Variants in ACOT1 observed in about 807,000 individuals in gnomAD.
ACOT1 encodes acyl-coenzyme A thioesterase 1.
Under a neutral mutation model 15.7 loss-of-function variants are expected in ACOT1, and 8 were observed. That is an observed-to-expected ratio of 0.51 (90% CI 0.30 to 0.92). ACOT1 has a LOEUF of 0.92. ACOT1 is among the 40% of genes least tolerant of loss of function. ACOT1 has a pLI of 0.06. For synonymous variants in ACOT1, 67 were observed against 241.2 expected (o/e 0.28, Z 6.69); for missense variants, 151 against 539.4 (o/e 0.28, Z 7.13).
At position 73,543,746 on chromosome 14, in the gene ACOT1, A is replaced by G. The variant is rs1177294486; in HGVS notation, c.*91A>G. 1.3e-6 allele frequency: 1 copy of G among 756,288 alleles called. No homozygotes were observed. The highest frequency in any genetic ancestry group is 1.6e-5 in the African/African-American group (1 of 60,656). 46.8% of individuals were successfully genotyped at this position (756,288 alleles called of 1,614,324 possible). Reference sequence around the variant, plus strand: ...TGTGTATGTGTATTCATTCTTTCTCATAACTTCTTAAAGTTTCTTCCCCTC... The same window carrying G: ...TGTGTATGTGTATTCATTCTTTCTCGTAACTTCTTAAAGTTTCTTCCCCTC... On this transcript the variant is annotated 3_prime_UTR_variant, in exon 3 of 3. Transcript: ENST00000311148.
upstream of ACOT1, among the ~76,000 whole-genome samples, chr14:73,535,315 T>C (rs1206790763): frequency 3.5e-5 from 4 of 113,564 alleles, 2 homozygotes; most frequent in Non-Finnish European, 7.6e-5. Flanking sequence ...GAAAAGGTCA[T>C]ACCAGTTTAT....
At chr14:73,499,349 C>T in the ACOT1 span, among the ~76,000 whole-genome samples, 1 of 152,108 alleles carries the variant, frequency 6.6e-6, no homozygotes, top group Non-Finnish European at 1.5e-5. Flanking sequence ...GGCATGGTGT[C>T]ACACGCCTGT....
the ACOT1 span, among the ~76,000 whole-genome samples, chr14:73,504,409 A>T: frequency 2.0e-5 from 3 of 151,558 alleles, no homozygotes; most frequent in Admixed American, 6.6e-5. Flanking sequence ...CACCCGCCTA[A>T]TTTTTTTTAT....
At chr14:73,492,033 C>G in the ACOT1 span, 6 of 1,614,002 alleles carry the variant, frequency 3.7e-6, no homozygotes, top group Non-Finnish European at 5.1e-6. This position sits in a 1 kb window ranked among gnomAD's most constrained non-coding sequence, Gnocchi z 4.9. Flanking sequence ...GGCTTTGCCC[C>G]CCACTACGAC....
chr14:73,523,060 G>C, the ACOT1 span: 1 of 1,613,996 alleles, frequency 6.2e-7, no homozygotes, highest in South Asian at 1.1e-5. Context: ...TCAATTTTGA[G>C]TAGTTTAAAA....
chr14:73,498,158 A>G, the ACOT1 span: 1 of 1,609,900 alleles, frequency 6.2e-7, no homozygotes, highest in Non-Finnish European at 8.5e-7. Flanking sequence ...TGCTTACTTT[A>G]GAACAGCATC....
chr14:73,497,695 C>T, the ACOT1 span, among the ~76,000 whole-genome samples: 3 of 152,146 alleles, frequency 2.0e-5, no homozygotes, highest in South Asian at 2.1e-4. Context: ...GGCACCATCT[C>T]GGCTCACCGC....
upstream of ACOT1, chr14:73,536,981 T>G: frequency 8.3e-6 from 1 of 120,796 alleles, no homozygotes; most frequent in Non-Finnish European, 1.7e-5. Context: ...TGCCTGGTTG[T>G]TGTTGTTTTT....
the ACOT1 span, chr14:73,514,278 A>G: frequency 6.4e-7 from 1 of 1,567,568 alleles, no homozygotes; most frequent in South Asian, 1.1e-5. Flanking sequence ...CCACTGCCTT[A>G]GGCCCTGCCA....
the ACOT1 span, chr14:73,518,955 G>A: frequency 6.7e-6 from 10 of 1,487,280 alleles, no homozygotes; most frequent in Admixed American, 1.8e-5. Context: ...CATGAATAGT[G>A]GGTAATGATG....
chr14:73,491,264 G>A, the ACOT1 span: 8 of 1,570,480 alleles, frequency 5.1e-6, no homozygotes, highest in Admixed American at 1.1e-4. Context: ...ACCCGGTGGG[G>A]CGGCGGTGGC....
At chr14:73,524,310 A>AAAAAAAAAAAT in the ACOT1 span, among the ~76,000 whole-genome samples, 3 of 54,778 alleles carry the variant, frequency 5.5e-5, no homozygotes, top group African/African-American at 1.8e-4. Context: ...AAAAAAAAAA[A>AAAAAAAAAAAT]ATATATATAT....
chr14:73,500,632 A>G, the ACOT1 span: 4 of 1,614,220 alleles, frequency 2.5e-6, no homozygotes, highest in Non-Finnish European at 3.4e-6. Flanking sequence ...GAAGCAGTGC[A>G]GGAAGCTTGG....
At chr14:73,509,068 T>C in the ACOT1 span, among the ~76,000 whole-genome samples, 2 of 152,164 alleles carry the variant, frequency 1.3e-5, no homozygotes, top group African/African-American at 2.4e-5. Context: ...GGTCTTGTTA[T>C]GTTGCCCAGG....
the ACOT1 span, among the ~76,000 whole-genome samples, chr14:73,529,379 T>TAAA: frequency 1.7e-5 from 2 of 116,826 alleles, no homozygotes; most frequent in Non-Finnish European, 1.8e-5. Flanking sequence ...AAAAAAAAAT[T>TAAA]AAGTCAATCC....
chr14:73,509,492 G>C, the ACOT1 span: 36 of 1,612,782 alleles, frequency 2.2e-5, no homozygotes, highest in South Asian at 4.0e-4. Context: ...AAAAGAGCCA[G>C]GTAAGAGAGT....
intron 1 of ACOT1, among the ~76,000 whole-genome samples, chr14:73,540,722 G>A (rs1263881220): frequency 8.4e-6 from 1 of 118,762 alleles, no homozygotes; most frequent in East Asian, 5.1e-4. Context: ...TAAAAGTGTT[G>A]CCTGTAAGGT....
upstream of ACOT1, among the ~76,000 whole-genome samples, chr14:73,532,279 C>T (rs1888729324): frequency 1.7e-5 from 2 of 115,194 alleles, 1 homozygote; most frequent in Non-Finnish European, 3.8e-5. Flanking sequence ...TCCTATTTTC[C>T]CTGATCTCCA....
the ACOT1 span, chr14:73,523,154 C>T: frequency 4.7e-5 from 75 of 1,581,384 alleles, no homozygotes; most frequent in African/African-American, 8.8e-4. Flanking sequence ...CCTGGTCATA[C>T]CGCGTCCCAG....
Sources: gnomAD v4.1 joint callset for allele counts (sites outside exome capture counted in the v4.1 genomes callset) on GRCh38, gnomAD v4.1.1 for gene constraint, Gnocchi (gnomAD v3.1) non-coding constraint, MANE v1.5 for transcripts, NCBI Gene and HGNC (gene_info 2026-07-23, HGNC 2026-07-21) for gene names.